The following CYREN variants were observed in gnomAD, a reference collection of about 807,000 sequenced individuals.
The protein encoded by CYREN is cell cycle regulator of NHEJ.
In CYREN, 7 loss-of-function variants were observed where a neutral mutation model predicts 9.7. The observed-to-expected ratio is 0.72, with a 90% CI of 0.41 to 1.36. CYREN has a LOEUF of 1.36. CYREN is among the 40% of genes most tolerant of loss of function. CYREN has a pLI of 0.01. For synonymous variants in CYREN, 76 were observed against 77.9 expected (o/e 0.98, Z 0.13); for missense variants, 215 against 198.1 (o/e 1.09, Z -0.51).
At chr7:135,127,193 C>CAAAAAGTG (rs942364705) in intron 2 of CYREN, among the ~76,000 whole-genome samples, 6 of 151,670 alleles carry the variant, frequency 4.0e-5, no homozygotes, top group African/African-American at 1.4e-4. Context: ...ACAACCCCAT[C>CAAAAAGTG]AAAAAGTGGG....
At chr7:135,168,728 G>A in intron 2 of CYREN, 58 bp downstream of exon 2, 2 of 1,582,574 alleles carry the variant, frequency 1.3e-6, no homozygotes, top group Non-Finnish European at 1.7e-6. Context: ...CCCAGGTCAT[G>A]GAGGCCCCTG....
At chr7:135,094,275 C>T (rs750135949) in exon 3 of CYREN, 14 of 407,622 alleles carry the variant, frequency 3.4e-5, no homozygotes, top group Non-Finnish European at 6.3e-5. Flanking sequence ...TAAAAATCAG[C>T]AACTTATTGG....
chr7:135,122,263 T>C (rs572547991), intron 2 of CYREN, among the ~76,000 whole-genome samples: 40 of 152,344 alleles, frequency 2.6e-4, no homozygotes, highest in Non-Finnish European at 4.7e-4. Flanking sequence ...ACACTGACTG[T>C]GGCTGACTGT....
rs147327443 is a variant in CYREN at position 135,132,785 on chromosome 7, G to A, written n.356+35964C>T. ...TCCTCCTTTGCCTTCCGCCAAGATTGCGAGGCCTCCCCAGCCATGTGGAAC... is the reference window on the plus strand; with the variant it reads ...TCCTCCTTTGCCTTCCGCCAAGATTACGAGGCCTCCCCAGCCATGTGGAAC... On this transcript the variant is annotated intron_variant and non_coding_transcript_variant, in intron 2 of 2. Coordinates refer to the CYREN transcript ENST00000459937. Among the ~76,000 whole-genome samples the A allele has an allele frequency of 4.0e-3, 604 of 152,180 alleles. 3 individuals carry two copies. Among genetic ancestry groups the A allele is most frequent in the African/African-American group, 0.013 (550 of 41,514 alleles).
chr7:135,108,782 A>C (rs1317345273), intron 2 of CYREN, among the ~76,000 whole-genome samples: 1 of 152,170 alleles, frequency 6.6e-6, no homozygotes, highest in Non-Finnish European at 1.5e-5. Context: ...AATATCCTGA[A>C]ATGTTTTGCT....
rs200962860 is a variant in CYREN at position 135,166,883 on chromosome 7, G to A, written c.214-12C>T. Reference sequence around the variant, plus strand: ...TCCTGTTTGCGGCTCTGTGGAGTACGGGAAAACGCAGGCTCAACATACGTG... The same window carrying A: ...TCCTGTTTGCGGCTCTGTGGAGTACAGGAAAACGCAGGCTCAACATACGTG... On this transcript the variant is annotated splice_polypyrimidine_tract_variant and intron_variant, in intron 3 of 3. Transcript: ENST00000393114. 1.1e-5 allele frequency: 17 copies of A among 1,609,072 alleles called. No individual in the cohort carries two copies. The East Asian group carries it at 1.8e-4, about 17-fold the overall frequency.
intron 2 of CYREN, among the ~76,000 whole-genome samples, chr7:135,142,731 A>G (rs2117400001): frequency 6.6e-6 from 1 of 152,302 alleles, no homozygotes; most frequent in Non-Finnish European, 1.5e-5. Flanking sequence ...TGACATTAGC[A>G]CCAAAAAATA....
chr7:135,163,141 A>G (rs1478803768), downstream of CYREN, among the ~76,000 whole-genome samples: 1 of 152,244 alleles, frequency 6.6e-6, no homozygotes, highest in Non-Finnish European at 1.5e-5. Flanking sequence ...ATGATCCCAC[A>G]TGAACTATTG....
At chr7:135,156,395 C>A (rs571096911) in intron 2 of CYREN, among the ~76,000 whole-genome samples, 21 of 152,106 alleles carry the variant, frequency 1.4e-4, no homozygotes, top group African/African-American at 4.3e-4. Flanking sequence ...TTTATTCATT[C>A]TTTTTTATCC....
chr7:135,139,134 G>A (rs1428545116), intron 2 of CYREN, among the ~76,000 whole-genome samples: 1 of 152,060 alleles, frequency 6.6e-6, no homozygotes, highest in African/African-American at 2.4e-5. Flanking sequence ...TGGGTCAGAT[G>A]ATAGTTGTGT....
chr7:135,144,282 G>C (rs1032227522), intron 2 of CYREN, among the ~76,000 whole-genome samples: 4 of 152,132 alleles, frequency 2.6e-5, no homozygotes, highest in Admixed American at 1.3e-4. Flanking sequence ...AAGTAGATGG[G>C]TCACTCTAGA....
intron 2 of CYREN, among the ~76,000 whole-genome samples, chr7:135,150,865 C>T (rs1363645379): frequency 6.6e-6 from 1 of 152,086 alleles, no homozygotes; most frequent in East Asian, 1.9e-4. Context: ...AACAAACAAA[C>T]AAATTAAGAT....
At chr7:135,148,462 C>A (rs3735001) in intron 2 of CYREN, among the ~76,000 whole-genome samples, 39,457 of 152,190 alleles carry the variant, frequency 0.26, 5,750 homozygotes, top group East Asian at 0.58. Context: ...ACTCTCTGCT[C>A]TCCTTCCTTC....
chr7:135,096,742 T>TGAATGAAAGAAAGAAA (rs1822900800), intron 2 of CYREN, among the ~76,000 whole-genome samples: 1 of 101,068 alleles, frequency 9.9e-6, no homozygotes. Context: ...AGAGAAAGAA[T>TGAATGAAAGAAAGAAA]GAAAGAAAGA....
At chr7:135,123,007 T>C (rs1484768819) in intron 2 of CYREN, among the ~76,000 whole-genome samples, 1 of 152,192 alleles carries the variant, frequency 6.6e-6, no homozygotes, top group East Asian at 1.9e-4. Flanking sequence ...GATCGCAATG[T>C]ATCTCCAGCA....
At chr7:135,164,646 G>A, downstream of CYREN, 1 of 1,613,282 alleles carries the variant, frequency 6.2e-7, no homozygotes, top group South Asian at 1.1e-5. Flanking sequence ...CCAGTTCCCT[G>A]AGCTGGAAGC....
At chr7:135,171,829 A>C (rs977893365), upstream of CYREN, among the ~76,000 whole-genome samples, 4 of 152,286 alleles carry the variant, frequency 2.6e-5, no homozygotes, top group African/African-American at 9.6e-5. Context: ...TGACTGACGC[A>C]ATCCAAAGAG....
rs555896063 is a variant in CYREN, at chr7:135,157,240, T to A, written n.356+11509A>T. 2.0e-5 allele frequency among the ~76,000 whole-genome samples: 3 copies of A among 152,340 alleles called. No individual in the cohort carries two copies. The South Asian group carries it at 6.2e-4, about 32-fold the overall frequency. ...TGAAATTGCTTTTATAAGGGAGAAT[T>A]TTTTCCTGAGGATATATGCATGTTG... On this transcript the variant is annotated intron_variant and non_coding_transcript_variant, in intron 2 of 2. Transcript: ENST00000459937.
chr7:135,098,748 T>C (rs1257286383), intron 2 of CYREN, among the ~76,000 whole-genome samples: 1 of 152,206 alleles, frequency 6.6e-6, no homozygotes, highest in Non-Finnish European at 1.5e-5. Context: ...GAAGTATTAT[T>C]GGAAAAAGAA....
Sources: allele counts gnomAD v4.1 joint callset (sites outside exome capture counted in the v4.1 genomes callset), GRCh38; gene constraint gnomAD v4.1.1; transcripts MANE v1.5; gene names NCBI Gene and HGNC (gene_info 2026-07-23, HGNC 2026-07-21).